The following TRAPPC10 variants were observed in gnomAD, a reference collection of about 807,000 sequenced individuals.
The protein encoded by TRAPPC10 is trafficking protein particle complex subunit 10, also known as TRAPP 130 kDa subunit.
Under a neutral mutation model 125.5 loss-of-function variants are expected in TRAPPC10, and 23 were observed. The observed-to-expected ratio is 0.18, with a 90% CI of 0.13 to 0.26. TRAPPC10 has a LOEUF of 0.26. TRAPPC10 is among the 10% of genes least tolerant of loss of function. The pLI, the probability that TRAPPC10 is intolerant of heterozygous loss-of-function variation, is 1.00. For synonymous variants in TRAPPC10, 509 were observed against 518.0 expected (o/e 0.98, Z 0.24); for missense variants, 1,123 against 1,308.4 (o/e 0.86, Z 2.19).
At chr21:44,052,734 T>C (rs898116114) in intron 4 of TRAPPC10, among the ~76,000 whole-genome samples, 3 of 151,992 alleles carry the variant, frequency 2.0e-5, no homozygotes, top group African/African-American at 7.2e-5. Flanking sequence ...TGGTGGGTCC[T>C]TTCTGAAGAC....
intron 18 of TRAPPC10, chr21:44,091,646 GC>G: frequency 3.5e-6 from 1 of 288,562 alleles, no homozygotes; most frequent in South Asian, 3.4e-5. Context: ...CACCATGTTG[GC>G]CAGGATGGTC....
intron 3 of TRAPPC10, among the ~76,000 whole-genome samples, chr21:44,050,508 G>T (rs1022837181): frequency 2.0e-5 from 3 of 152,184 alleles, no homozygotes; most frequent in Non-Finnish European, 4.4e-5. Context: ...GATGGGGTCA[G>T]CCGGGTGCTA....
intron 3 of TRAPPC10, chr21:44,047,023 C>A: frequency 1.3e-6 from 1 of 753,532 alleles, no homozygotes; most frequent in Non-Finnish European, 2.4e-6. Flanking sequence ...GAGTCCTTTC[C>A]CACCTTACTG....
intron 3 of TRAPPC10, among the ~76,000 whole-genome samples, chr21:44,050,518 A>G (rs1015238402): frequency 1.3e-5 from 2 of 151,884 alleles, no homozygotes; most frequent in Non-Finnish European, 2.9e-5. Flanking sequence ...GCCGGGTGCT[A>G]TGTGTATTTT....
chr21:44,065,587 C>G (rs2036386541), intron 7 of TRAPPC10, among the ~76,000 whole-genome samples: 1 of 152,230 alleles, frequency 6.6e-6, no homozygotes, highest in Non-Finnish European at 1.5e-5. Flanking sequence ...TGATGACTTT[C>G]TCACAGTCTG....
At chr21:44,072,103 C>T (rs1332194791) in intron 7 of TRAPPC10, among the ~76,000 whole-genome samples, 1 of 152,218 alleles carries the variant, frequency 6.6e-6, no homozygotes, top group African/African-American at 2.4e-5. Context: ...CTTACCAAAG[C>T]GGGACTTGCT....
intron 1 of TRAPPC10, among the ~76,000 whole-genome samples, chr21:44,014,551 G>T (rs1470069179): frequency 6.6e-6 from 1 of 151,156 alleles, no homozygotes; most frequent in Non-Finnish European, 1.5e-5. Flanking sequence ...GATTACAGGC[G>T]CATGCTGCCA....
At chr21:44,072,958 G>A (rs1180227205) in intron 7 of TRAPPC10, among the ~76,000 whole-genome samples, 9 of 152,236 alleles carry the variant, frequency 5.9e-5, no homozygotes, top group Non-Finnish European at 1.3e-4. Context: ...TTTGACTGAT[G>A]AGGACGCTCA....
intron 1 of TRAPPC10, among the ~76,000 whole-genome samples, chr21:44,022,276 A>ATTT (rs58767563): frequency 9.7e-4 from 81 of 83,784 alleles, no homozygotes; most frequent in Non-Finnish European, 1.4e-3. Context: ...GCCTGGCTAA[A>ATTT]TTTTTTTTTT....
Position 44,059,308 on chromosome 21 carries a change from G to T in TRAPPC10, c.790+94G>T. ...AAGCAGCCATTTATTTACCTCAGGAGTACGCATGTTTTGTTGTTGTCTTTA... is the reference window on the plus strand; with the variant it reads ...AAGCAGCCATTTATTTACCTCAGGATTACGCATGTTTTGTTGTTGTCTTTA... On this transcript the variant is annotated intron_variant, in intron 6 of 22. Coordinates refer to ENST00000291574, the MANE Select transcript of TRAPPC10 (RefSeq NM_003274.5). The surrounding 1 kb of genome is among the most constrained non-coding windows in gnomAD (Gnocchi z 4.4). The T allele has an allele frequency of 1.2e-6, 1 of 837,358 alleles. No individual in the cohort carries two copies. The allele number at this position is 837,358 out of a possible 1,614,324, so 51.9% of individuals were successfully genotyped here.
intron 3 of TRAPPC10, among the ~76,000 whole-genome samples, chr21:44,041,615 G>A (rs1010252518): frequency 3.3e-5 from 5 of 151,316 alleles, no homozygotes; most frequent in Admixed American, 6.6e-5. Context: ...CAGGTGATCT[G>A]CCTGCCTCAG....
In TRAPPC10 at chr21:44,055,905, A is replaced by C. The variant is rs182932303; in HGVS notation, c.678+12A>C. ...ATTTCATGGTTCAGGTACTTGACTC[A>C]TTACAGAACTAGACAGTTCCTTCTC... On this transcript the variant is annotated intron_variant, in intron 5 of 22. Transcript: ENST00000291574. 515 of 1,584,906 alleles carry C rather than the reference A, an allele frequency of 3.2e-4. 7 individuals are homozygous for C. In the Middle Eastern group the frequency reaches 8.6e-3, roughly 26 times the overall value.
intron 1 of TRAPPC10, among the ~76,000 whole-genome samples, chr21:44,027,882 G>A (rs886419398): frequency 1.3e-5 from 2 of 152,204 alleles, no homozygotes; most frequent in Non-Finnish European, 2.9e-5. Flanking sequence ...CTTCCCCCAC[G>A]TGAGGGCACA....
In TRAPPC10 at chr21:44,087,915, C is replaced by G. The variant is rs146405148; in HGVS notation, c.2756C>G (p.Thr919Ser). 2.9e-5 allele frequency: 46 copies of G among 1,613,268 alleles called. No homozygotes were observed. Among genetic ancestry groups the G allele is most frequent in the Non-Finnish European group, 3.9e-5 (46 of 1,179,752 alleles). The change falls in exon 17 of 23, where the codon ACC becomes AGC. Residue 919 changes from threonine to serine, a missense_variant. Transcript: ENST00000291574. The surrounding 1 kb of genome is among the most constrained non-coding windows in gnomAD (Gnocchi z 4.6). Reference sequence around the variant, plus strand: ...CAGAGAACTGGCCGCTGCATGGTTACCACAGACCACAAAGTGAGTAGGGAC... The same window carrying G: ...CAGAGAACTGGCCGCTGCATGGTTAGCACAGACCACAAAGTGAGTAGGGAC... Reference protein sequence around the residue: ...DKQRTGRCMVTTDHKVSIDCP... With the variant: ...DKQRTGRCMVSTDHKVSIDCP...
intron 9 of TRAPPC10, among the ~76,000 whole-genome samples, chr21:44,075,895 C>G (rs977563824): frequency 2.0e-5 from 3 of 152,072 alleles, no homozygotes. Context: ...ACTAAAAATA[C>G]AAAATTAGCC....
At chr21:44,047,174 G>A in intron 3 of TRAPPC10, 1 of 379,140 alleles carries the variant, frequency 2.6e-6, no homozygotes, top group Non-Finnish European at 5.0e-6. Context: ...GATTTAATTT[G>A]GAACATTTTT....
intron 13 of TRAPPC10, among the ~76,000 whole-genome samples, chr21:44,081,456 G>C (rs1271222306): frequency 1.3e-5 from 2 of 152,078 alleles, no homozygotes; most frequent in Non-Finnish European, 2.9e-5. Context: ...ACCATGCCTG[G>C]CCACCACAGT....
At chr21:44,032,034 A>G in intron 1 of TRAPPC10, 57 bp from the exon 2 acceptor site, 1 of 1,420,634 alleles carries the variant, frequency 7.0e-7, no homozygotes, top group Non-Finnish European at 9.9e-7. Flanking sequence ...CTCTAGAGCC[A>G]TTTTGCATGT....
At chr21:44,091,544 A>G (rs2038579914) in intron 18 of TRAPPC10, among the ~76,000 whole-genome samples, 1 of 152,100 alleles carries the variant, frequency 6.6e-6, no homozygotes, top group Non-Finnish European at 1.5e-5. Context: ...GGTTCAAGCA[A>G]TGCTCGTGCC....
Sources: gnomAD v4.1 joint callset for allele counts (sites outside exome capture counted in the v4.1 genomes callset) on GRCh38, gnomAD v4.1.1 for gene constraint, Gnocchi (gnomAD v3.1) non-coding constraint, MANE v1.5 for transcripts, NCBI Gene and HGNC (gene_info 2026-07-23, HGNC 2026-07-21) for gene names.